EXOC4: variants seen among roughly 807,000 people sequenced by gnomAD.
EXOC4 encodes SEC8-like 1.
Under a neutral mutation model 107.2 loss-of-function variants are expected in EXOC4, and 71 were observed. The ratio of observed to expected loss-of-function variants is 0.66; its 90% CI spans 0.55 to 0.81. The LOEUF (loss-of-function observed/expected upper bound fraction) is 0.81, where lower values mean the gene tolerates loss of function less well. Among genes scored for constraint, EXOC4 ranks in the 30% least tolerant of loss-of-function variants. The pLI is 0.00. For synonymous variants in EXOC4, 456 were observed against 441.2 expected, an observed-to-expected ratio of 1.03 and a Z score of -0.42; for missense variants, 1,108 against 1,189.6, an observed-to-expected ratio of 0.93 and a Z score of 1.01.
intron 14 of EXOC4, among the ~76,000 whole-genome samples, chr7:133,980,437 C>G (rs1466782053): frequency 6.6e-6 from 1 of 152,200 alleles, no homozygotes; most frequent in African/African-American, 2.4e-5. Context: ...TTACAATGAC[C>G]CTTTGAGGCT....
chr7:133,937,568 A>C (rs1398449156), intron 13 of EXOC4, among the ~76,000 whole-genome samples: 1 of 152,246 alleles, frequency 6.6e-6, no homozygotes, highest in Non-Finnish European at 1.5e-5. Flanking sequence ...TAGCATAAGA[A>C]GAGGCAAGGA....
At position 133,855,116 on chromosome 7, in the gene EXOC4, T is replaced by TATATATATAA. The variant is rs1563028533; in HGVS notation, c.1734+37581_1734+37582insAATATATATA. ...AAATATATATATAAATATATATAAATATATATATATAAATATATATATATA... is the reference window on the plus strand; with the variant it reads ...AAATATATATATAAATATATATAAATATATATATAAATATATATATAAATATATATATATA... On this transcript the variant is annotated intron_variant, in intron 11 of 17. Transcript: ENST00000253861. 5.1e-3 allele frequency among the ~76,000 whole-genome samples: 407 copies of TATATATATAA among 79,322 alleles called. 13 individuals are homozygous for TATATATATAA. The highest frequency in any genetic ancestry group is 0.012 in the African/African-American group (173 of 14,932). The allele number at this position is 79,322 out of a possible 152,430, so 52.0% of individuals were successfully genotyped here.
intron 9 of EXOC4, among the ~76,000 whole-genome samples, chr7:133,491,086 A>G (rs186147003): frequency 1.2e-4 from 19 of 152,318 alleles, no homozygotes; most frequent in African/African-American, 4.6e-4. Flanking sequence ...GTGTGCTCAC[A>G]TCTGATTTCC....
At chr7:133,901,948 A>G (rs1191070216) in intron 12 of EXOC4, among the ~76,000 whole-genome samples, 1 of 152,178 alleles carries the variant, frequency 6.6e-6, no homozygotes, top group Admixed American at 6.5e-5. Flanking sequence ...CTTCTTGGGC[A>G]GCTTTCAAAT....
chr7:133,577,920 T>A (rs1203212179), intron 9 of EXOC4, among the ~76,000 whole-genome samples: 2 of 152,164 alleles, frequency 1.3e-5, no homozygotes, highest in African/African-American at 4.8e-5. Flanking sequence ...AGGACATTAT[T>A]GTGTAATGAA....
chr7:133,831,791 G>T (rs1164378464), intron 11 of EXOC4, among the ~76,000 whole-genome samples: 2 of 152,052 alleles, frequency 1.3e-5, no homozygotes, highest in African/African-American at 4.8e-5. Flanking sequence ...AAACATATAT[G>T]TGTATATACT....
intron 3 of EXOC4, among the ~76,000 whole-genome samples, chr7:133,304,594 G>A (rs1386427541): frequency 6.6e-6 from 1 of 152,110 alleles, no homozygotes; most frequent in South Asian, 2.1e-4. Context: ...ACCATTTCAG[G>A]CTGGTTTATA....
intron 9 of EXOC4, among the ~76,000 whole-genome samples, chr7:133,559,698 C>G (rs536362125): frequency 3.9e-4 from 59 of 152,332 alleles, no homozygotes; most frequent in African/African-American, 1.3e-3. Flanking sequence ...CAAATACCAT[C>G]AGGTTTCATT....
chr7:133,455,903 AC>A (rs980533456), intron 7 of EXOC4, among the ~76,000 whole-genome samples: 33 of 152,190 alleles, frequency 2.2e-4, no homozygotes, highest in Admixed American at 6.5e-4. Flanking sequence ...CAAATCATAC[AC>A]CTTTATTATT....
the EXOC4 span, among the ~76,000 whole-genome samples, chr7:134,075,415 TG>T: frequency 6.6e-6 from 1 of 152,206 alleles, no homozygotes; most frequent in Non-Finnish European, 1.5e-5. Flanking sequence ...AGGGGTTTAA[TG>T]GACTCACAGT....
chr7:134,041,217 G>A (rs1342375467), intron 17 of EXOC4, among the ~76,000 whole-genome samples: 1 of 152,128 alleles, frequency 6.6e-6, no homozygotes, highest in Non-Finnish European at 1.5e-5. Flanking sequence ...CTTTGCCTTG[G>A]TAGATATTGA....
chr7:133,287,658 T>C (rs922723380), intron 2 of EXOC4, among the ~76,000 whole-genome samples: 1 of 152,026 alleles, frequency 6.6e-6, no homozygotes, highest in Non-Finnish European at 1.5e-5. Flanking sequence ...TATTAAAGAC[T>C]TTTTTTTAAC....
At chr7:133,452,642 G>T (rs1402198137) in intron 7 of EXOC4, among the ~76,000 whole-genome samples, 1 of 150,850 alleles carries the variant, frequency 6.6e-6, no homozygotes, top group Non-Finnish European at 1.5e-5. Context: ...TTCTATAAAT[G>T]TTATTTTTAA....
At chr7:133,748,771 G>C (rs974956464) in intron 10 of EXOC4, among the ~76,000 whole-genome samples, 1 of 152,116 alleles carries the variant, frequency 6.6e-6, no homozygotes, top group Non-Finnish European at 1.5e-5. Context: ...CTTGTCACCT[G>C]GTCACGTCAG....
intron 9 of EXOC4, among the ~76,000 whole-genome samples, chr7:133,608,280 A>AT (rs148899997): frequency 0.016 from 2,388 of 152,202 alleles, 34 homozygotes; most frequent in Non-Finnish European, 0.022. Context: ...TTCCTTTAAG[A>AT]TATTTAGGTT....
intron 9 of EXOC4, among the ~76,000 whole-genome samples, chr7:133,483,510 C>A (rs920435708): frequency 6.6e-6 from 1 of 152,166 alleles, no homozygotes; most frequent in Non-Finnish European, 1.5e-5. Context: ...GGAATTTTCC[C>A]ATCCTTCAAA....
intron 10 of EXOC4, among the ~76,000 whole-genome samples, chr7:133,659,000 CTTTTTTTTTTTTTTTTTTT>C (rs397890140): frequency 2.5e-5 from 1 of 40,108 alleles, no homozygotes; most frequent in African/African-American, 1.0e-4. Context: ...TTCAGAGAAG[CTTTTTTTTTTTTTTTTTTT>C]TTTTTTTTTT....
chr7:133,520,024 ATATT>A (rs200649006), intron 9 of EXOC4, among the ~76,000 whole-genome samples: 2,630 of 152,270 alleles, frequency 0.017, 79 homozygotes, highest in African/African-American at 0.06. Flanking sequence ...GTAAAAGTAA[ATATT>A]TATTAAATGC....
At chr7:133,565,677 A>T (rs1026683301) in intron 9 of EXOC4, among the ~76,000 whole-genome samples, 12 of 152,230 alleles carry the variant, frequency 7.9e-5, no homozygotes, top group African/African-American at 2.9e-4. Flanking sequence ...TTCACTGTTT[A>T]TCTGAAATTT....
Sources: allele counts gnomAD v4.1 joint callset (sites outside exome capture counted in the v4.1 genomes callset), GRCh38; gene constraint gnomAD v4.1.1; transcripts MANE v1.5; gene names NCBI Gene and HGNC (gene_info 2026-07-23, HGNC 2026-07-21).